SAMD12: variants seen among roughly 807,000 people sequenced by gnomAD.
SAMD12 encodes the protein sterile alpha motif domain-containing protein 12.
SAMD12 carries 9 observed loss-of-function variants against 15.0 expected under a neutral mutation model. The observed-to-expected ratio is 0.60, with a 90% CI of 0.36 to 1.05. SAMD12 has a LOEUF of 1.05. Ranked by LOEUF, SAMD12 falls within the 50% of genes least tolerant of loss-of-function variation. The pLI, the probability that SAMD12 is intolerant of heterozygous loss-of-function variation, is 0.01. For missense variants in SAMD12, 230 were observed against 234.2 expected (o/e 0.98, Z 0.12); for synonymous variants, 86 against 90.1 (o/e 0.96, Z 0.25).
At chr8:118,154,623 G>A in the SAMD12 span, among the ~76,000 whole-genome samples, 1 of 152,160 alleles carries the variant, frequency 6.6e-6, no homozygotes, top group African/African-American at 2.4e-5. Context: ...CTGAGGTCCA[G>A]GGTGTTCTAT....
intron 2 of SAMD12, among the ~76,000 whole-genome samples, chr8:118,463,993 T>C (rs1823513775): frequency 6.6e-6 from 1 of 152,188 alleles, no homozygotes; most frequent in Non-Finnish European, 1.5e-5. Context: ...TGAGACTATG[T>C]CTGAGTTTCC....
chr8:118,397,473 A>C (rs1820640821), intron 3 of SAMD12, among the ~76,000 whole-genome samples: 1 of 152,164 alleles, frequency 6.6e-6, no homozygotes, highest in African/African-American at 2.4e-5. Context: ...AAGGTCCTTG[A>C]AGCACAGAAA....
At chr8:118,350,120 C>G (rs975122259) in intron 4 of SAMD12, among the ~76,000 whole-genome samples, 1 of 152,274 alleles carries the variant, frequency 6.6e-6, no homozygotes, top group Admixed American at 6.5e-5. Flanking sequence ...GGCTCAAAAA[C>G]AAAAGCTACC....
Position 118,271,544 on chromosome 8 carries a change from C to T in SAMD12, c.434-73812G>A, listed in dbSNP as rs192740218. On this transcript the variant is annotated intron_variant, in intron 4 of 4. Transcript: ENST00000409003. ...CCCCCAAAGTCTTAACTCATTTCAGCATTAACTAAGAAGTCCAAGTCCAAA... is the reference window on the plus strand; with the variant it reads ...CCCCCAAAGTCTTAACTCATTTCAGTATTAACTAAGAAGTCCAAGTCCAAA... 6.6e-5 allele frequency among the ~76,000 whole-genome samples: 10 copies of T among 152,248 alleles called. 1 individual carries two copies. Among genetic ancestry groups the T allele is most frequent in the African/African-American group, 2.4e-4 (10 of 41,562 alleles).
chr8:118,511,378 T>C (rs1441940221), intron 2 of SAMD12, among the ~76,000 whole-genome samples: 1 of 152,198 alleles, frequency 6.6e-6, no homozygotes, highest in African/African-American at 2.4e-5. Context: ...GTTTATGGTA[T>C]TATTTTAGGC....
intron 2 of SAMD12, among the ~76,000 whole-genome samples, chr8:118,526,382 G>T (rs1414397414): frequency 6.6e-6 from 1 of 151,970 alleles, no homozygotes; most frequent in South Asian, 2.1e-4. Context: ...CCTTGCTACC[G>T]ATCAGAATCA....
intron 4 of SAMD12, among the ~76,000 whole-genome samples, chr8:118,253,765 C>A (rs760026893): frequency 5.5e-4 from 84 of 152,154 alleles, no homozygotes; most frequent in Non-Finnish European, 1.1e-3. Context: ...GGAAGACAAT[C>A]TTATCAATGG....
intron 2 of SAMD12, among the ~76,000 whole-genome samples, chr8:118,537,193 T>C (rs557838237): frequency 1.3e-5 from 2 of 152,300 alleles, no homozygotes; most frequent in Non-Finnish European, 2.9e-5. Context: ...TTTCTCTTGG[T>C]GTTTTTAGGA....
rs146721320 is a variant in SAMD12, at chr8:118,573,241, T to A, written c.192+7474A>T. Among the ~76,000 whole-genome samples the A allele has an allele frequency of 6.1e-3, 923 of 152,162 alleles. 2 individuals are homozygous for A. Among genetic ancestry groups the A allele is most frequent in the African/African-American group, 0.021 (859 of 41,522 alleles). On this transcript the variant is annotated intron_variant, in intron 2 of 3. Coordinates refer to ENST00000314727, the MANE Select transcript of SAMD12 (RefSeq NM_207506.3). ...CTGGGACTACAGTCACCTGCCACCATGCCAGGCTAATTTTTTGTATTTTTA... is the reference window on the plus strand; with the variant it reads ...CTGGGACTACAGTCACCTGCCACCAAGCCAGGCTAATTTTTTGTATTTTTA...
rs187584584 is a variant in SAMD12 at position 118,198,103 on chromosome 8, G to T, written c.434-371C>A. On this transcript the variant is annotated intron_variant, in intron 4 of 4. Transcript: ENST00000409003. ...CTTGGTCTGGTGCAAGGTAAGATTG[G>T]GGATGGTGTGAAGCATTTTATTGTG... is the stretch of plus-strand genomic sequence containing the variant. Among the ~76,000 whole-genome samples, 267 of 152,300 alleles carry T rather than the reference G, an allele frequency of 1.8e-3. 1 individual carries two copies. Among genetic ancestry groups the T allele is most frequent in the South Asian group, 8.9e-3 (43 of 4,828 alleles).
At chr8:118,145,591 G>A in the SAMD12 span, among the ~76,000 whole-genome samples, 1 of 152,290 alleles carries the variant, frequency 6.6e-6, no homozygotes, top group South Asian at 2.1e-4. Context: ...AGCAGATGTA[G>A]GTGACAAAGT....
chr8:118,340,359 A>G (rs888444722), intron 4 of SAMD12, among the ~76,000 whole-genome samples: 1 of 152,206 alleles, frequency 6.6e-6, no homozygotes, highest in Non-Finnish European at 1.5e-5. Flanking sequence ...CCATGGAGGT[A>G]AAGTATTTCA....
intron 3 of SAMD12, among the ~76,000 whole-genome samples, chr8:118,388,876 T>C (rs934889217): frequency 3.3e-5 from 5 of 151,902 alleles, no homozygotes; most frequent in East Asian, 3.9e-4. Flanking sequence ...AAGAGTAAAG[T>C]AGGGTGAGAG....
At chr8:118,592,892 C>A (rs1827618086) in intron 1 of SAMD12, among the ~76,000 whole-genome samples, 1 of 152,084 alleles carries the variant, frequency 6.6e-6, no homozygotes, top group African/African-American at 2.4e-5. Flanking sequence ...ATATTCCAGG[C>A]AGAAACAGAA....
intron 4 of SAMD12, among the ~76,000 whole-genome samples, chr8:118,279,659 T>C (rs1374869048): frequency 6.6e-6 from 1 of 152,232 alleles, no homozygotes; most frequent in African/African-American, 2.4e-5. Context: ...ACTTCCTTGT[T>C]TTGACATTGT....
intron 3 of SAMD12, among the ~76,000 whole-genome samples, chr8:118,433,487 T>A (rs1475349240): frequency 6.6e-6 from 1 of 152,062 alleles, no homozygotes; most frequent in Non-Finnish European, 1.5e-5. Flanking sequence ...TCAGAATTCT[T>A]TTCCCCTGAA....
At chr8:118,515,611 AG>A (rs1174185833) in intron 2 of SAMD12, among the ~76,000 whole-genome samples, 1 of 152,178 alleles carries the variant, frequency 6.6e-6, no homozygotes, top group Non-Finnish European at 1.5e-5. Flanking sequence ...TCCTCACTAA[AG>A]GTGACTGGAG....
chr8:118,219,676 A>AGTACATG (rs1273716215), intron 4 of SAMD12, among the ~76,000 whole-genome samples: 27 of 152,290 alleles, frequency 1.8e-4, no homozygotes, highest in African/African-American at 6.0e-4. Context: ...ACCCTTCTGG[A>AGTACATG]GAGACCACAT....
chr8:118,132,420 C>T, the SAMD12 span, among the ~76,000 whole-genome samples: 1 of 152,160 alleles, frequency 6.6e-6, no homozygotes, highest in Non-Finnish European at 1.5e-5. Context: ...ACTCCTTCTT[C>T]CTTAGTGTGA....
Sources: gnomAD v4.1 joint callset for allele counts (sites outside exome capture counted in the v4.1 genomes callset) on GRCh38, gnomAD v4.1.1 for gene constraint, MANE v1.5 for transcripts, NCBI Gene and HGNC (gene_info 2026-07-23, HGNC 2026-07-21) for gene names.